Variants in RMST observed in about 807,000 individuals in gnomAD.
The protein encoded by RMST is long intergenic non-protein coding RNA 54.
chr12:97,511,851 C>A (rs1206015713), intron 10 of RMST, among the ~76,000 whole-genome samples: 5 of 152,070 alleles, frequency 3.3e-5, no homozygotes, highest in African/African-American at 1.2e-4. Flanking sequence ...TTTATAGCAC[C>A]TTTTATACAT....
chr12:97,475,707 A>G (rs535010899), intron 5 of RMST, among the ~76,000 whole-genome samples: 1 of 152,244 alleles, frequency 6.6e-6, no homozygotes, highest in South Asian at 2.1e-4. Flanking sequence ...GTTAAAAGAA[A>G]AAAACACCCA....
intron 11 of RMST, among the ~76,000 whole-genome samples, chr12:97,551,305 G>T (rs539980078): frequency 7.1e-5 from 10 of 141,792 alleles, no homozygotes; most frequent in Non-Finnish European, 1.2e-4. Flanking sequence ...AGATAAAGGA[G>T]AAAAAATAAA....
intron 10 of RMST, among the ~76,000 whole-genome samples, chr12:97,521,467 C>T (rs986504706): frequency 6.6e-6 from 1 of 152,004 alleles, no homozygotes; most frequent in Non-Finnish European, 1.5e-5. Context: ...ATACTAATAA[C>T]CATTTAGGAA....
intron 11 of RMST, among the ~76,000 whole-genome samples, chr12:97,540,591 T>C (rs1277508010): frequency 6.6e-6 from 1 of 151,666 alleles, no homozygotes; most frequent in Non-Finnish European, 1.5e-5. Context: ...AATTTTGCCT[T>C]TGTCATTTGC....
At chr12:97,539,666 A>T (rs1265685725) in intron 11 of RMST, among the ~76,000 whole-genome samples, 1 of 151,598 alleles carries the variant, frequency 6.6e-6, no homozygotes, top group Non-Finnish European at 1.5e-5. Flanking sequence ...GGAGATGCGA[A>T]CGTGTTTTGT....
At chr12:97,499,649 TTTTC>T (rs1346676357) in intron 10 of RMST, among the ~76,000 whole-genome samples, 1 of 144,090 alleles carries the variant, frequency 6.9e-6, no homozygotes, top group Non-Finnish European at 1.5e-5. Flanking sequence ...TCTTTTTCTT[TTTTC>T]TTTCTTTTTT....
At chr12:97,539,031 A>G (rs1592766009) in intron 11 of RMST, among the ~76,000 whole-genome samples, 1 of 151,566 alleles carries the variant, frequency 6.6e-6, no homozygotes, top group East Asian at 1.9e-4. Flanking sequence ...TTTGATTGCC[A>G]TTTTCTACAT....
At chr12:97,474,731 G>A (rs1233467982) in intron 5 of RMST, among the ~76,000 whole-genome samples, 2 of 146,942 alleles carry the variant, frequency 1.4e-5, no homozygotes, top group Non-Finnish European at 3.0e-5. Context: ...GAAAATATGT[G>A]GAAAAAAAAT....
chr12:97,502,294 C>A (rs1878164352), intron 10 of RMST, among the ~76,000 whole-genome samples: 1 of 152,078 alleles, frequency 6.6e-6, no homozygotes, highest in Admixed American at 6.5e-5. Flanking sequence ...TGTAATAATT[C>A]ATGCACTGAT....
chr12:97,550,920 C>A (rs1322579070), intron 11 of RMST, among the ~76,000 whole-genome samples: 1 of 152,106 alleles, frequency 6.6e-6, no homozygotes, highest in African/African-American at 2.4e-5. Context: ...TTCCAGGTAG[C>A]TTACATATAT....
chr12:97,542,146 T>G (rs555866849), intron 11 of RMST, among the ~76,000 whole-genome samples: 1 of 152,032 alleles, frequency 6.6e-6, no homozygotes, highest in African/African-American at 2.4e-5. Context: ...TCCTTGGTTC[T>G]CCACTAATTA....
chr12:97,504,157 A>T (rs1417060738), intron 10 of RMST, among the ~76,000 whole-genome samples: 4 of 152,026 alleles, frequency 2.6e-5, no homozygotes, highest in Admixed American at 2.6e-4. Flanking sequence ...TAACCCCGGC[A>T]CTCTGGGAGG....
At chr12:97,550,451 T>C (rs1883232300) in intron 11 of RMST, among the ~76,000 whole-genome samples, 1 of 152,140 alleles carries the variant, frequency 6.6e-6, no homozygotes, top group African/African-American at 2.4e-5. Flanking sequence ...ATAATGTCCA[T>C]AGTGTCCAGA....
At chr12:97,485,891 C>A (rs1876041066) in intron 5 of RMST, among the ~76,000 whole-genome samples, 1 of 152,208 alleles carries the variant, frequency 6.6e-6, no homozygotes, top group Non-Finnish European at 1.5e-5. Context: ...CTTTTTAGAG[C>A]TTGTCCAAGC....
At chr12:97,475,623 C>G (rs1228377414) in intron 5 of RMST, among the ~76,000 whole-genome samples, 3 of 147,546 alleles carry the variant, frequency 2.0e-5, no homozygotes, top group Non-Finnish European at 4.5e-5. Flanking sequence ...TGTCAGGCAT[C>G]ATTTTCACAT....
intron 11 of RMST, among the ~76,000 whole-genome samples, chr12:97,555,741 G>C (rs1316008915): frequency 3.9e-5 from 6 of 152,316 alleles, no homozygotes; most frequent in East Asian, 1.9e-4. Context: ...GATTAGAGTT[G>C]ACATCTCACA....
At chr12:97,488,188 A>T (rs1876340276) in intron 5 of RMST, among the ~76,000 whole-genome samples, 1 of 152,212 alleles carries the variant, frequency 6.6e-6, no homozygotes, top group South Asian at 2.1e-4. Context: ...GTTCGAGATC[A>T]GCCTGGCCAA....
At chr12:97,525,718 A>G (rs1881026613) in intron 10 of RMST, among the ~76,000 whole-genome samples, 1 of 152,200 alleles carries the variant, frequency 6.6e-6, no homozygotes, top group South Asian at 2.1e-4. Flanking sequence ...TGTTAAACAA[A>G]AGGGTAATAT....
chr12:97,560,706 GTTCAT>G (rs1269296661), intron 12 of RMST: 3 of 152,144 alleles, frequency 2.0e-5, no homozygotes, highest in Non-Finnish European at 4.4e-5. Flanking sequence ...AAGGTAAACA[GTTCAT>G]TTCATCTGTC....
Sources: allele counts gnomAD v4.1 joint callset (sites outside exome capture counted in the v4.1 genomes callset), GRCh38; gene constraint gnomAD v4.1.1; transcripts MANE v1.5; gene names NCBI Gene and HGNC (gene_info 2026-07-23, HGNC 2026-07-21).